The following GPC6 variants were observed in gnomAD, a reference collection of about 807,000 sequenced individuals.
GPC6 encodes glypican 6, also known as glypican-6.
GPC6 carries 14 observed loss-of-function variants against 55.2 expected under a neutral mutation model. The observed-to-expected ratio is 0.25, with a 90% confidence interval of 0.17 to 0.40. GPC6 has a LOEUF of 0.40. GPC6 is among the 10% of genes least tolerant of loss of function. The probability of loss-of-function intolerance (pLI) is 1.00; values close to 1 mark genes in which losing one functional copy is unlikely to be tolerated. For synonymous variants in GPC6, 278 were observed against 259.6 expected (o/e 1.07, Z -0.68); for missense variants, 641 against 708.5 (o/e 0.90, Z 1.08).
At chr13:94,189,712 A>G (rs1889319723) in intron 4 of GPC6, among the ~76,000 whole-genome samples, 1 of 152,098 alleles carries the variant, frequency 6.6e-6, no homozygotes, top group Non-Finnish European at 1.5e-5. Flanking sequence ...CCATGATCCA[A>G]CATCTCTTCT....
At chr13:93,952,425 T>C (rs1212500290) in intron 3 of GPC6, among the ~76,000 whole-genome samples, 1 of 152,132 alleles carries the variant, frequency 6.6e-6, no homozygotes, top group Non-Finnish European at 1.5e-5. Flanking sequence ...GAAAAATGTA[T>C]ATAACTTCTT....
At chr13:93,876,467 C>G (rs530123067) in intron 3 of GPC6, among the ~76,000 whole-genome samples, 1 of 152,146 alleles carries the variant, frequency 6.6e-6, no homozygotes, top group Non-Finnish European at 1.5e-5. Flanking sequence ...TGTTCTATGA[C>G]CTGGTTTCTC....
At chr13:93,773,581 T>C (rs1015917846) in intron 2 of GPC6, among the ~76,000 whole-genome samples, 1 of 152,190 alleles carries the variant, frequency 6.6e-6, no homozygotes, top group African/African-American at 2.4e-5. Flanking sequence ...TGTGTAGTTT[T>C]AAGTTGCTTC....
At chr13:93,381,396 G>A (rs556738280) in intron 1 of GPC6, among the ~76,000 whole-genome samples, 1 of 152,140 alleles carries the variant, frequency 6.6e-6, no homozygotes, top group Non-Finnish European at 1.5e-5. Flanking sequence ...TCAAAAAAAA[G>A]GGAAGAATTG....
chr13:93,390,410 A>G (rs1007870579), intron 1 of GPC6, among the ~76,000 whole-genome samples: 21 of 152,202 alleles, frequency 1.4e-4, no homozygotes, highest in Admixed American at 4.6e-4. Context: ...AATGGCACTT[A>G]TAGAGACAAT....
intron 5 of GPC6, among the ~76,000 whole-genome samples, chr13:94,302,183 G>A (rs1217569703): frequency 3.9e-5 from 6 of 152,212 alleles, no homozygotes; most frequent in Non-Finnish European, 8.8e-5. Flanking sequence ...GCCATGAACT[G>A]GGTGGCTTAT....
chr13:93,797,909 T>G (rs1886250541), intron 2 of GPC6, among the ~76,000 whole-genome samples: 1 of 152,098 alleles, frequency 6.6e-6, no homozygotes. Flanking sequence ...ATTTTGTTAG[T>G]TTGCACAAGA....
At chr13:93,266,857 AG>A (rs1877341876) in intron 1 of GPC6, among the ~76,000 whole-genome samples, 1 of 152,220 alleles carries the variant, frequency 6.6e-6, no homozygotes, top group Non-Finnish European at 1.5e-5. Context: ...CTCTATAAGT[AG>A]TAAAATGTGA....
intron 1 of GPC6, among the ~76,000 whole-genome samples, chr13:93,271,288 G>A (rs762716318): frequency 1.3e-5 from 2 of 151,986 alleles, no homozygotes; most frequent in African/African-American, 2.4e-5. Flanking sequence ...ACTCAACTAC[G>A]TTACAAAACA....
chr13:94,221,777 T>A (rs1277616283), intron 4 of GPC6, among the ~76,000 whole-genome samples: 1 of 152,062 alleles, frequency 6.6e-6, no homozygotes, highest in Non-Finnish European at 1.5e-5. Context: ...CTTAAGATAC[T>A]GTGATTAACA....
At chr13:93,550,849 G>A (rs1056955582) in intron 2 of GPC6, among the ~76,000 whole-genome samples, 2 of 152,076 alleles carry the variant, frequency 1.3e-5, no homozygotes, top group African/African-American at 2.4e-5. Flanking sequence ...CCATAGAGAA[G>A]GCACTTAACC....
At chr13:93,890,181 A>G (rs187367203) in intron 3 of GPC6, among the ~76,000 whole-genome samples, 13 of 152,254 alleles carry the variant, frequency 8.5e-5, no homozygotes, top group Non-Finnish European at 1.3e-4. Flanking sequence ...GATGGTTTCT[A>G]TGCCAACAGT....
chr13:93,469,605 T>C (rs1017810099), intron 1 of GPC6, among the ~76,000 whole-genome samples: 5 of 152,162 alleles, frequency 3.3e-5, no homozygotes, highest in African/African-American at 1.2e-4. Flanking sequence ...AAATTATGTT[T>C]GGACTCATCA....
intron 1 of GPC6, among the ~76,000 whole-genome samples, chr13:93,522,660 C>A (rs553794385): frequency 6.6e-6 from 1 of 151,914 alleles, no homozygotes; most frequent in East Asian, 1.9e-4. Flanking sequence ...TGAGCTAAGT[C>A]ATCAAAGACA....
chr13:93,325,238 A>G (rs1232685002), intron 1 of GPC6, among the ~76,000 whole-genome samples: 3 of 152,144 alleles, frequency 2.0e-5, no homozygotes, highest in African/African-American at 7.2e-5. Context: ...GTGGTTTTAT[A>G]CTGGTGTTTG....
At chr13:93,362,090 T>C (rs78205266) in intron 1 of GPC6, among the ~76,000 whole-genome samples, 3,974 of 152,250 alleles carry the variant, frequency 0.026, 184 homozygotes, top group African/African-American at 0.09. Context: ...CTGGGGTATG[T>C]TTTGGGGTTC....
At chr13:93,509,467 C>T (rs950809693) in intron 1 of GPC6, among the ~76,000 whole-genome samples, 3 of 152,226 alleles carry the variant, frequency 2.0e-5, no homozygotes, top group Non-Finnish European at 4.4e-5. Context: ...CTTCATTTAA[C>T]TCAGCACAGG....
intron 4 of GPC6, among the ~76,000 whole-genome samples, chr13:94,145,831 G>A (rs1171242499): frequency 1.3e-5 from 2 of 152,120 alleles, no homozygotes; most frequent in Admixed American, 6.6e-5. Context: ...TAAACAAAAG[G>A]TTGAGTGAAC....
chr13:93,934,209 G>A (rs1265611999), intron 3 of GPC6, among the ~76,000 whole-genome samples: 1 of 152,062 alleles, frequency 6.6e-6, no homozygotes, highest in African/African-American at 2.4e-5. Context: ...ATAGCCATTC[G>A]CCACATGTAG....
Sources: allele counts gnomAD v4.1 joint callset (sites outside exome capture counted in the v4.1 genomes callset), GRCh38; gene constraint gnomAD v4.1.1; transcripts MANE v1.5; gene names NCBI Gene and HGNC (gene_info 2026-07-23, HGNC 2026-07-21).